Variants in ARSK observed in about 807,000 individuals in gnomAD.
The protein encoded by ARSK is arylsulfatase K.
In ARSK, 37 loss-of-function variants were observed where a neutral mutation model predicts 53.2. The ratio of observed to expected loss-of-function variants is 0.70; its 90% CI spans 0.54 to 0.92. The LOEUF is 0.92. Among genes scored for constraint, ARSK ranks in the 40% least tolerant of loss-of-function variants. The pLI, the probability that ARSK is intolerant of heterozygous loss-of-function variation, is 0.00. For synonymous variants in ARSK, 208 were observed against 223.2 expected (o/e 0.93, Z 0.61); for missense variants, 613 against 643.0 (o/e 0.95, Z 0.51).
intron 6 of ARSK, among the ~76,000 whole-genome samples, chr5:95,597,834 C>T (rs1749338144): frequency 6.7e-6 from 1 of 148,570 alleles, no homozygotes; most frequent in Non-Finnish European, 1.5e-5. Flanking sequence ...GCAGAGGTTG[C>T]AGTGAGCCAA....
intron 6 of ARSK, among the ~76,000 whole-genome samples, chr5:95,597,391 G>A (rs897674100): frequency 1.3e-5 from 2 of 152,124 alleles, no homozygotes; most frequent in African/African-American, 2.4e-5. Context: ...GGGTTGGCAG[G>A]TGTTTTGCAT....
chr5:95,594,820 A>G (rs1259531383), intron 6 of ARSK, among the ~76,000 whole-genome samples: 1 of 150,018 alleles, frequency 6.7e-6, no homozygotes, highest in Non-Finnish European at 1.5e-5. Flanking sequence ...AGCCTGGGTG[A>G]CAGAGCGAGA....
intron 1 of ARSK, among the ~76,000 whole-genome samples, chr5:95,561,082 T>C (rs1488415904): frequency 6.6e-6 from 1 of 152,220 alleles, no homozygotes; most frequent in African/African-American, 2.4e-5. Context: ...GTGCTGGGAT[T>C]ACCGGCATGA....
chr5:95,579,922 GA>G (rs1405541746), intron 3 of ARSK, among the ~76,000 whole-genome samples: 2 of 152,140 alleles, frequency 1.3e-5, no homozygotes, highest in African/African-American at 4.8e-5. Context: ...TGTGTAATGA[GA>G]GAATGAGAAT....
intron 6 of ARSK, among the ~76,000 whole-genome samples, chr5:95,593,017 A>G (rs1292499571): frequency 4.6e-5 from 7 of 152,068 alleles, no homozygotes; most frequent in Admixed American, 4.6e-4. Context: ...AAAGAAGTTT[A>G]TATAGAACTG....
At chr5:95,594,591 C>T (rs1749271404) in intron 6 of ARSK, among the ~76,000 whole-genome samples, 1 of 152,154 alleles carries the variant, frequency 6.6e-6, no homozygotes, top group South Asian at 2.1e-4. Flanking sequence ...CCTGTAATCC[C>T]AACACTTTGG....
chr5:95,601,069 T>A lies in ARSK; in HGVS notation c.1319T>A (p.Phe440Tyr). The change falls in exon 7 of 8, where the codon TTT (phenylalanine) becomes TAT (tyrosine). Residue 440 changes from phenylalanine (F) to tyrosine (Y), a missense_variant and splice_region_variant. Phe to Tyr is a conservative substitution (Grantham distance 22). Coordinates refer to ENST00000380009, the MANE Select transcript of ARSK (RefSeq NM_198150.3). ...SDGASILPQL[F>Y]DLSSDPDELT... is the part of the protein sequence containing the mutation. ...GGTGCATCAATATTGCCTCAACTCT[T>A]TGGTAAGTTTGTTAATATATTTTTA... 1 of 1,609,460 alleles carries A rather than the reference T, an allele frequency of 6.2e-7. No individual in the cohort carries two copies. Among genetic ancestry groups the A allele is most frequent in the Non-Finnish European group, 8.5e-7 (1 of 1,175,892 alleles).
chr5:95,573,904 G>A (rs12153544), intron 3 of ARSK, among the ~76,000 whole-genome samples: 28,038 of 152,040 alleles, frequency 0.18, 3,760 homozygotes, highest in African/African-American at 0.38. Flanking sequence ...ATTTTATAAT[G>A]TACAATTAAA....
chr5:95,555,806 G>A lies in ARSK; in HGVS notation c.126+402G>A, dbSNP rs1748490075. 6.6e-6 allele frequency among the ~76,000 whole-genome samples: 1 copy of A among 152,156 alleles called. No individual in the cohort carries two copies. The highest frequency in any genetic ancestry group is 1.5e-5 in the Non-Finnish European group (1 of 68,028). On this transcript the variant is annotated intron_variant, in intron 1 of 7. Transcript: ENST00000380009. The surrounding 1 kb of genome is among the most constrained non-coding windows in gnomAD (Gnocchi z 4.0). ...TTTCCAGTTCACCTCAAGTTTGCAG[G>A]AATTCATGTTTGGGTGAGAAGTGAA...
intron 1 of ARSK, among the ~76,000 whole-genome samples, chr5:95,558,096 A>G (rs1447243160): frequency 2.6e-5 from 4 of 152,206 alleles, no homozygotes; most frequent in Admixed American, 1.3e-4. Context: ...CAAAAGGGAC[A>G]GGCTGTGAGA....
chr5:95,559,618 A>G (rs1005048011), intron 1 of ARSK, among the ~76,000 whole-genome samples: 1 of 152,246 alleles, frequency 6.6e-6, no homozygotes, highest in Non-Finnish European at 1.5e-5. Context: ...GACAAAACCC[A>G]TGTGATCATC....
intron 6 of ARSK, among the ~76,000 whole-genome samples, chr5:95,597,711 T>C (rs1259951600): frequency 6.6e-6 from 1 of 152,132 alleles, no homozygotes; most frequent in African/African-American, 2.4e-5. Context: ...CTGGCCAACA[T>C]GGTGAAACCC....
At position 95,555,557 on chromosome 5, in the gene ARSK, C is replaced by T. The variant is rs930788169; in HGVS notation, c.126+153C>T. The stretch of plus-strand genomic sequence containing the variant: ...GAAAGAAATACATTTTATGTGAGGC[C>T]CCGTGTACTCACACGTACACCACAT... On this transcript the variant is annotated intron_variant, in intron 1 of 7. Coordinates refer to ENST00000380009, the MANE Select transcript of ARSK (RefSeq NM_198150.3). This position sits in a 1 kb window ranked among gnomAD's most constrained non-coding sequence, Gnocchi z 4.0. 3.3e-5 allele frequency among the ~76,000 whole-genome samples: 5 copies of T among 152,174 alleles called. No individual in the cohort carries two copies. Among genetic ancestry groups the T allele is most frequent in the Non-Finnish European group, 7.4e-5 (5 of 68,026 alleles).
chr5:95,578,392 A>C (rs1479377898), intron 3 of ARSK, among the ~76,000 whole-genome samples: 2 of 151,030 alleles, frequency 1.3e-5, no homozygotes, highest in African/African-American at 4.9e-5. Flanking sequence ...TCCTGGGCTC[A>C]AACAATCCTC....
intron 6 of ARSK, among the ~76,000 whole-genome samples, chr5:95,594,011 C>T (rs1035778034): frequency 2.6e-5 from 4 of 152,130 alleles, no homozygotes; most frequent in Admixed American, 2.6e-4. Flanking sequence ...TAAATCTCTC[C>T]AATTCTAAAC....
rs199509272 is a variant in ARSK at position 95,591,493 on chromosome 5, C to T, written c.964C>T (p.Arg322Ter). 9 of 1,613,898 alleles carry T rather than the reference C, an allele frequency of 5.6e-6. No homozygotes were observed. Among genetic ancestry groups the T allele is most frequent in the East Asian group, 2.2e-5 (1 of 44,882 alleles). Residue 322 changes from arginine (R) to a stop codon, truncating the protein, a stop_gained, in exon 6 of 8, where the codon CGA (arginine) becomes TGA (stop). Transcript: ENST00000380009. LOFTEE classifies it high-confidence loss of function. ...SDHGELAMEH[R>*]QFYKMSMYEA... ...CCATGGAGAGCTGGCCATGGAACATCGACAGTTTTATAAAATGAGCATGTA... is the reference window on the plus strand; with the variant it reads ...CCATGGAGAGCTGGCCATGGAACATTGACAGTTTTATAAAATGAGCATGTA...
chr5:95,601,946 T>G (rs1055227152), intron 7 of ARSK, among the ~76,000 whole-genome samples: 1 of 152,252 alleles, frequency 6.6e-6, no homozygotes, highest in Non-Finnish European at 1.5e-5. Context: ...TGTTTTGAAC[T>G]GAGTTCCTAC....
intron 3 of ARSK, among the ~76,000 whole-genome samples, chr5:95,572,205 C>G (rs928401163): frequency 7.9e-5 from 12 of 152,172 alleles, no homozygotes; most frequent in African/African-American, 2.4e-4. Context: ...GTTGTTTCAT[C>G]TGGACAGTTG....
chr5:95,593,481 C>T (rs1373747925), intron 6 of ARSK, among the ~76,000 whole-genome samples: 1 of 152,076 alleles, frequency 6.6e-6, no homozygotes, highest in Non-Finnish European at 1.5e-5. Context: ...TTTCTTTAAA[C>T]ATTATTTTAT....
Sources: allele counts gnomAD v4.1 joint callset (sites outside exome capture counted in the v4.1 genomes callset), GRCh38; gene constraint gnomAD v4.1.1; non-coding constraint Gnocchi (gnomAD v3.1); transcripts MANE v1.5; gene names NCBI Gene and HGNC (gene_info 2026-07-23, HGNC 2026-07-21).